Variants in SVOPL observed in about 807,000 individuals in gnomAD.
The protein encoded by SVOPL is SVOP like.
SVOPL carries 60 observed loss-of-function variants against 61.0 expected under a neutral mutation model. The observed-to-expected ratio is 0.98, with a 90% confidence interval of 0.80 to 1.22. SVOPL has a LOEUF of 1.22. Among genes scored for constraint, SVOPL ranks in the 50% most tolerant of loss-of-function variants. The probability of loss-of-function intolerance (pLI) is 0.00; values close to 1 mark genes in which losing one functional copy is unlikely to be tolerated. For synonymous variants in SVOPL, 279 were observed against 250.0 expected, an observed-to-expected ratio of 1.12 and a Z score of -1.09; for missense variants, 662 against 643.9, an observed-to-expected ratio of 1.03 and a Z score of -0.30.
chr7:138,631,194 GTTAA>G (rs1800171756), intron 9 of SVOPL, among the ~76,000 whole-genome samples: 1 of 152,026 alleles, frequency 6.6e-6, no homozygotes, highest in Non-Finnish European at 1.5e-5. Flanking sequence ...TGCTCCAATG[GTTAA>G]TTTTTAATTT....
intron 9 of SVOPL, among the ~76,000 whole-genome samples, chr7:138,641,887 A>ATAT (rs1800821253): frequency 7.3e-6 from 1 of 137,880 alleles, no homozygotes; most frequent in Non-Finnish European, 1.5e-5. Flanking sequence ...ATATATAGTC[A>ATAT]ATGGGTATAT....
At chr7:138,633,686 T>C (rs1156701295) in intron 9 of SVOPL, among the ~76,000 whole-genome samples, 1 of 150,664 alleles carries the variant, frequency 6.6e-6, no homozygotes, top group Non-Finnish European at 1.5e-5. Context: ...CATATAATAA[T>C]GGCGGTAACA....
intron 14 of SVOPL, among the ~76,000 whole-genome samples, chr7:138,614,413 T>G (rs960444575): frequency 3.5e-4 from 45 of 127,386 alleles, no homozygotes; most frequent in African/African-American, 1.4e-3. Context: ...TTTTTTTTTT[T>G]GAGACAGAGT....
intron 1 of SVOPL, among the ~76,000 whole-genome samples, chr7:138,682,955 C>G (rs557117978): frequency 1.4e-5 from 1 of 72,008 alleles, no homozygotes; most frequent in East Asian, 4.1e-4. Context: ...GCGACAAGAG[C>G]AAAACTCCAT....
chr7:138,597,664 G>T (rs1798336768), intron 14 of SVOPL, among the ~76,000 whole-genome samples: 1 of 151,680 alleles, frequency 6.6e-6, no homozygotes, highest in Non-Finnish European at 1.5e-5. Context: ...GTGTGTGTGT[G>T]TGTGTTTTAC....
intron 14 of SVOPL, among the ~76,000 whole-genome samples, chr7:138,601,560 GA>G (rs996861715): frequency 2.3e-4 from 33 of 145,404 alleles, no homozygotes; most frequent in Admixed American, 4.1e-4. Flanking sequence ...ATCTAAAAAA[GA>G]AAAAAAAAAT....
intron 14 of SVOPL, among the ~76,000 whole-genome samples, chr7:138,619,561 TAAAAAAAAAAAA>T (rs11440977): frequency 6.6e-5 from 4 of 60,324 alleles, no homozygotes; most frequent in Non-Finnish European, 1.2e-4. Context: ...TCTCAGATGT[TAAAAAAAAAAAA>T]AAAAAAAAAA....
At chr7:138,688,011 C>A (rs572665432) in intron 1 of SVOPL, among the ~76,000 whole-genome samples, 5 of 151,998 alleles carry the variant, frequency 3.3e-5, no homozygotes, top group Non-Finnish European at 5.9e-5. Flanking sequence ...CCATGTTGGC[C>A]AGGATGGTCT....
At chr7:138,677,041 C>T (rs188718808) in intron 3 of SVOPL, among the ~76,000 whole-genome samples, 110 of 151,786 alleles carry the variant, frequency 7.2e-4, no homozygotes, top group Middle Eastern at 3.4e-3. Flanking sequence ...GTAGCTGGGA[C>T]TACAGGCGCC....
At position 138,680,571 on chromosome 7, in the gene SVOPL, T is replaced by TTGTGTGTG. The variant is rs60027714; in HGVS notation, c.-34-1500_-34-1493dup. Among the ~76,000 whole-genome samples the TTGTGTGTG allele has an allele frequency of 3.7e-3, 555 of 148,108 alleles. 4 individuals are homozygous for TTGTGTGTG. Among genetic ancestry groups the TTGTGTGTG allele is most frequent in the African/African-American group, 0.013 (521 of 40,384 alleles). The stretch of plus-strand genomic sequence containing the variant: ...GTCAGTGGCTTACCCACACAGACTT[T>TTGTGTGTG]TGTGTGTGTGTGTGTGTGTGTGTGT... On this transcript the variant is annotated intron_variant, in intron 1 of 15. Transcript: ENST00000674285.
intron 1 of SVOPL, among the ~76,000 whole-genome samples, chr7:138,697,626 AAAAAG>A (rs1461042997): frequency 7.6e-6 from 1 of 131,226 alleles, no homozygotes; most frequent in Admixed American, 7.8e-5. Context: ...AAAAAAAAAA[AAAAAG>A]AAGAAGAAGA....
intron 14 of SVOPL, among the ~76,000 whole-genome samples, chr7:138,602,688 A>AAAAG (rs931344671): frequency 2.8e-5 from 4 of 143,506 alleles, no homozygotes; most frequent in African/African-American, 1.1e-4. Flanking sequence ...CTTAAACCAC[A>AAAAG]AAAGCCCCTG....
chr7:138,664,192 C>G, intron 4 of SVOPL: 1 of 964,242 alleles, frequency 1.0e-6, no homozygotes, highest in Non-Finnish European at 1.2e-6. Context: ...CCTGCCCTCC[C>G]CCTCCCCCAC....
chr7:138,651,480 G>A lies in SVOPL; in HGVS notation c.535-2343C>T, dbSNP rs951686576. ...TGCTTTAGTGCACTTTGCAAATATTGCAATTTTTTTTTAACAAATTGAAGG... is the reference window on the plus strand; with the variant it reads ...TGCTTTAGTGCACTTTGCAAATATTACAATTTTTTTTTAACAAATTGAAGG... On this transcript the variant is annotated intron_variant, in intron 7 of 15. Coordinates refer to ENST00000674285, the MANE Select transcript of SVOPL (RefSeq NM_001139456.2). 3.3e-5 allele frequency among the ~76,000 whole-genome samples: 5 copies of A among 151,524 alleles called. No homozygotes were observed. The South Asian group carries it at 6.3e-4, about 19-fold the overall frequency.
intron 9 of SVOPL, among the ~76,000 whole-genome samples, chr7:138,643,749 T>C (rs1255167003): frequency 1.2e-5 from 1 of 81,842 alleles, no homozygotes; most frequent in Non-Finnish European, 2.4e-5. Context: ...TTTTAGAGGG[T>C]GGGGGAGGGG....
chr7:138,674,482 G>A (rs1046219047), intron 3 of SVOPL, among the ~76,000 whole-genome samples: 3 of 151,876 alleles, frequency 2.0e-5, no homozygotes, highest in Non-Finnish European at 2.9e-5. Flanking sequence ...AAGCAGTTCT[G>A]TCTTCCTTTG....
At chr7:138,673,802 T>C (rs1047457394) in intron 3 of SVOPL, among the ~76,000 whole-genome samples, 1 of 152,190 alleles carries the variant, frequency 6.6e-6, no homozygotes, top group African/African-American at 2.4e-5. Flanking sequence ...CATTCTGCTA[T>C]AGTAGCCTTA....
chr7:138,675,259 G>GA (rs940710243), intron 3 of SVOPL, among the ~76,000 whole-genome samples: 19 of 150,436 alleles, frequency 1.3e-4, no homozygotes, highest in African/African-American at 2.2e-4. Flanking sequence ...AAGAAAAAAA[G>GA]AAAAAAAAAT....
intron 8 of SVOPL, among the ~76,000 whole-genome samples, chr7:138,647,780 G>A (rs1409014039): frequency 2.0e-5 from 3 of 150,328 alleles, no homozygotes; most frequent in African/African-American, 7.3e-5. Context: ...CATGGGAGGT[G>A]GAGGTTGCAG....
Sources: gnomAD v4.1 joint callset for allele counts (sites outside exome capture counted in the v4.1 genomes callset) on GRCh38, gnomAD v4.1.1 for gene constraint, MANE v1.5 for transcripts, NCBI Gene and HGNC (gene_info 2026-07-23, HGNC 2026-07-21) for gene names.